The following TMED2 variants were observed in gnomAD, a reference collection of about 807,000 sequenced individuals.
TMED2 encodes the protein transmembrane p24 trafficking protein 2.
A neutral mutation model predicts 17.5 loss-of-function variants in TMED2; 3 were observed. The ratio of observed to expected loss-of-function variants is 0.17; its 90% CI spans 0.08 to 0.44. The LOEUF (loss-of-function observed/expected upper bound fraction) is 0.44. Among genes scored for constraint, TMED2 ranks in the 20% least tolerant of loss-of-function variants. The pLI, the probability that TMED2 is intolerant of heterozygous loss-of-function variation, is 0.99. For synonymous variants in TMED2, 95 were observed against 91.0 expected (o/e 1.04, Z -0.25); for missense variants, 149 against 254.8 (o/e 0.58, Z 2.83).
intron 3 of TMED2, among the ~76,000 whole-genome samples, chr12:123,594,437 A>G (rs1255017178): frequency 6.6e-6 from 1 of 152,054 alleles, no homozygotes; most frequent in Non-Finnish European, 1.5e-5. Flanking sequence ...CCCAGCCTAC[A>G]TAGTAATTAA....
chr12:123,584,868 T>G lies in TMED2; in HGVS notation c.180+52T>G, dbSNP rs764045934. Reference sequence around the variant, plus strand: ...GCTTGGTCGCGTGGCCACTCGGGGATTGGTGGCACCTGGGACCGGCGCGGG... The same window carrying G: ...GCTTGGTCGCGTGGCCACTCGGGGAGTGGTGGCACCTGGGACCGGCGCGGG... On this transcript the variant is annotated intron_variant, in intron 1 of 3. Coordinates refer to ENST00000262225, the MANE Select transcript of TMED2 (RefSeq NM_006815.4). 2.5e-6 allele frequency: 4 copies of G among 1,592,184 alleles called. No individual in the cohort carries two copies. The Admixed American group carries it at 5.1e-5, about 20-fold the overall frequency.
chr12:123,593,353 A>G (rs1264784385), intron 3 of TMED2, among the ~76,000 whole-genome samples: 2 of 152,080 alleles, frequency 1.3e-5, no homozygotes, highest in Non-Finnish European at 2.9e-5. Flanking sequence ...CCTGGGTTCA[A>G]GCGATTCTCC....
rs1953351925 is a variant in TMED2, at chr12:123,586,905, G to A, written c.339G>A (p.Gly113=). 11 of 1,610,574 alleles carry A rather than the reference G, an allele frequency of 6.8e-6. No individual in the cohort carries two copies. In the East Asian group the frequency reaches 2.5e-4, roughly 36 times the overall value. The part of the protein sequence containing the change: ...PKIVMFTIDI[G]EAPKGQDMET... ...TAGTGATGTTCACCATTGATATTGGGGAGGCTCCAAAAGGACAAGATATGG... is the reference window on the plus strand; with the variant it reads ...TAGTGATGTTCACCATTGATATTGGAGAGGCTCCAAAAGGACAAGATATGG... Residue 113 remains glycine, a synonymous_variant, in exon 2 of 4, where the codon GGG becomes GGA. Transcript: ENST00000262225.
intron 3 of TMED2, among the ~76,000 whole-genome samples, chr12:123,593,486 C>T (rs1953408151): frequency 6.6e-6 from 1 of 152,178 alleles, no homozygotes; most frequent in Admixed American, 6.5e-5. Context: ...TTGTAGAAGT[C>T]AGTTTTCTGA....
At chr12:123,590,153 T>C (rs1593638771) in intron 2 of TMED2, among the ~76,000 whole-genome samples, 189 bp from the exon 3 acceptor site, 2 of 151,978 alleles carry the variant, frequency 1.3e-5, no homozygotes, top group African/African-American at 4.8e-5. Context: ...TGTGGCAGCG[T>C]GTGCCTGTAA....
intron 2 of TMED2, among the ~76,000 whole-genome samples, chr12:123,588,767 C>A (rs574313931): frequency 6.4e-4 from 97 of 152,206 alleles, no homozygotes; most frequent in Middle Eastern, 6.8e-3. Flanking sequence ...CTGCTAAATA[C>A]CCTATAGTGC....
chr12:123,591,690 G>A (rs1593639707), intron 3 of TMED2, among the ~76,000 whole-genome samples: 1 of 152,250 alleles, frequency 6.6e-6, no homozygotes, highest in Middle Eastern at 3.4e-3. Context: ...GCTGAGGCAG[G>A]AGAATCACTT....
At chr12:123,593,421 G>A (rs1244937155) in intron 3 of TMED2, among the ~76,000 whole-genome samples, 3 of 152,028 alleles carry the variant, frequency 2.0e-5, no homozygotes, top group Non-Finnish European at 4.4e-5. Context: ...AAATTTTGAC[G>A]TTGTAAATAA....
At chr12:123,585,641 C>T (rs1185881993) in intron 1 of TMED2, 1 of 152,178 alleles carries the variant, frequency 6.6e-6, no homozygotes, top group Non-Finnish European at 1.5e-5. Flanking sequence ...CAAGTGAAAT[C>T]CAAAAATAAG....
chr12:123,591,655 G>A (rs796462074), intron 3 of TMED2, among the ~76,000 whole-genome samples: 9 of 152,234 alleles, frequency 5.9e-5, no homozygotes, highest in African/African-American at 1.7e-4. Context: ...GGTGGCACGC[G>A]CCTGTAGTCC....
At chr12:123,587,939 A>G (rs574433273) in intron 2 of TMED2, among the ~76,000 whole-genome samples, 119 of 152,352 alleles carry the variant, frequency 7.8e-4, no homozygotes, top group African/African-American at 2.8e-3. Context: ...AGAAGTCCCA[A>G]TTAAACATAG....
intron 3 of TMED2, among the ~76,000 whole-genome samples, chr12:123,594,195 T>C (rs1593641106): frequency 1.3e-5 from 2 of 150,460 alleles, no homozygotes; most frequent in Non-Finnish European, 3.0e-5. Context: ...AGTGCAGTGG[T>C]GCAAACTCGG....
chr12:123,590,999 A>C (rs1953388568), intron 3 of TMED2, among the ~76,000 whole-genome samples: 1 of 152,098 alleles, frequency 6.6e-6, no homozygotes, highest in Non-Finnish European at 1.5e-5. Context: ...AAAAAAAAAA[A>C]AAAGTTTGGG....
chr12:123,589,798 C>A (rs539550564), intron 2 of TMED2, among the ~76,000 whole-genome samples: 1 of 151,362 alleles, frequency 6.6e-6, no homozygotes, highest in African/African-American at 2.4e-5. Flanking sequence ...AAAGAGATTG[C>A]CCCAGCCTAG....
intron 1 of TMED2, 89 bp downstream of exon 1, chr12:123,584,905 G>A: frequency 6.6e-7 from 1 of 1,515,612 alleles, no homozygotes; most frequent in Admixed American, 1.8e-5. Context: ...CCTGTGTGGG[G>A]AGTGGGCTTG....
intron 3 of TMED2, 111 bp downstream of exon 3, chr12:123,590,560 A>G (rs1953383976): frequency 1.3e-6 from 1 of 797,116 alleles, no homozygotes. Flanking sequence ...ATGTGAAAGC[A>G]TTGACTTTAA....
Position 123,586,740 on chromosome 12 carries a change from C to A in TMED2, c.181-7C>A, listed in dbSNP as rs756962612. 13 of 1,577,074 alleles carry A rather than the reference C, an allele frequency of 8.2e-6. No individual in the cohort carries two copies. The highest frequency in any genetic ancestry group is 1.1e-5 in the Non-Finnish European group (13 of 1,160,310). ...TGACATTTTATGCATTTCTCTCTTG[C>A]CTCCAGATTACAGGACCAGATAACA... On this transcript the variant is annotated splice_polypyrimidine_tract_variant and splice_region_variant and intron_variant, in intron 1 of 3. Coordinates refer to ENST00000262225, the MANE Select transcript of TMED2 (RefSeq NM_006815.4).
Position 123,590,373 on chromosome 12 carries a change from T to C in TMED2, c.405T>C (p.Asn135=). 6.2e-7 allele frequency: 1 copy of C among 1,607,938 alleles called. No homozygotes were observed. The highest frequency in any genetic ancestry group is 8.5e-7 in the Non-Finnish European group (1 of 1,176,278). Residue 135 remains asparagine (N), a synonymous_variant, in exon 3 of 4, where the codon AAT becomes AAC. Coordinates refer to ENST00000262225, the MANE Select transcript of TMED2 (RefSeq NM_006815.4). ...AHQNKLEEMI[N]ELAVAMTAVK... ...AGAACAAGCTAGAAGAAATGATCAA[T>C]GAGCTAGCAGTGGCGATGACAGCTG...
At chr12:123,596,352 G>A (rs12308953) in intron 3 of TMED2, among the ~76,000 whole-genome samples, 10,674 of 152,208 alleles carry the variant, frequency 0.07, 560 homozygotes, top group African/African-American at 0.14. Context: ...TGTTCTGATC[G>A]TGTTTTACGT....
Sources: allele counts gnomAD v4.1 joint callset (sites outside exome capture counted in the v4.1 genomes callset), GRCh38; gene constraint gnomAD v4.1.1; transcripts MANE v1.5; gene names NCBI Gene and HGNC (gene_info 2026-07-23, HGNC 2026-07-21).